Variants in AGBL4 observed in about 807,000 individuals in gnomAD.
AGBL4 encodes the protein cytosolic carboxypeptidase 6.
In AGBL4, 58 loss-of-function variants were observed where a neutral mutation model predicts 66.4. The observed-to-expected ratio is 0.87, with a 90% CI of 0.71 to 1.09. AGBL4 has a LOEUF of 1.09. Ranked by LOEUF, AGBL4 falls within the 50% of genes least tolerant of loss-of-function variation. The pLI, the probability that AGBL4 is intolerant of heterozygous loss-of-function variation, is 0.00. For synonymous variants in AGBL4, 234 were observed against 222.9 expected (o/e 1.05, Z -0.44); for missense variants, 579 against 631.0 (o/e 0.92, Z 0.88).
intron 6 of AGBL4, among the ~76,000 whole-genome samples, chr1:48,711,986 A>C (rs1159914297): frequency 6.6e-6 from 1 of 151,296 alleles, no homozygotes; most frequent in African/African-American, 2.4e-5. Context: ...TTGTTCTCCA[A>C]CCTCCTTTTC....
At chr1:48,527,593 CA>C in the AGBL4 span, among the ~76,000 whole-genome samples, 6,330 of 121,362 alleles carry the variant, frequency 0.052, 372 homozygotes, top group East Asian at 0.23. Flanking sequence ...GACTCCATCT[CA>C]AAAAAAAAAA....
intron 11 of AGBL4, among the ~76,000 whole-genome samples, chr1:48,568,291 TTCTCTCTCTC>T (rs151060894): frequency 6.7e-6 from 1 of 148,332 alleles, no homozygotes; most frequent in South Asian, 2.1e-4. Flanking sequence ...AACAACACTC[TTCTCTCTCTC>T]TCTCTCTCTC....
chr1:48,967,864 T>C (rs1571121844), intron 5 of AGBL4, among the ~76,000 whole-genome samples: 1 of 152,182 alleles, frequency 6.6e-6, no homozygotes, highest in South Asian at 2.1e-4. Context: ...GAATCTCAGA[T>C]GTGAAGAAAC....
intron 7 of AGBL4, among the ~76,000 whole-genome samples, chr1:48,657,122 T>C (rs1646033311): frequency 1.3e-5 from 2 of 152,188 alleles, no homozygotes; most frequent in African/African-American, 4.8e-5. Flanking sequence ...CAATCTGGGT[T>C]TGATGCCTCT....
chr1:49,300,149 C>G (rs946664572), intron 3 of AGBL4, among the ~76,000 whole-genome samples: 5 of 152,134 alleles, frequency 3.3e-5, no homozygotes, highest in Non-Finnish European at 7.4e-5. Context: ...TACCAACCAT[C>G]CTTTGGCAAT....
chr1:49,006,612 G>C (rs1661847016), intron 5 of AGBL4, among the ~76,000 whole-genome samples: 1 of 151,972 alleles, frequency 6.6e-6, no homozygotes, highest in Admixed American at 6.6e-5. Context: ...AACCTCTGCA[G>C]ACTTAAATGT....
chr1:48,643,109 G>T (rs144365580), intron 8 of AGBL4, among the ~76,000 whole-genome samples: 1 of 152,202 alleles, frequency 6.6e-6, no homozygotes, highest in Admixed American at 6.5e-5. Context: ...TGCTACACAT[G>T]TTAGCTGTTC....
At chr1:48,742,619 C>G in intron 6 of AGBL4, 1 of 1,548,548 alleles carries the variant, frequency 6.5e-7, no homozygotes, top group Non-Finnish European at 8.8e-7. Flanking sequence ...GCTTAAAACA[C>G]TACCTTGCCA....
At chr1:49,770,999 C>A (rs1195905622) in intron 2 of AGBL4, among the ~76,000 whole-genome samples, 1 of 151,916 alleles carries the variant, frequency 6.6e-6, no homozygotes, top group Non-Finnish European at 1.5e-5. Flanking sequence ...TAGTCTCTTT[C>A]ATTTATTTCT....
At chr1:49,946,857 G>C (rs1227383226) in intron 1 of AGBL4, among the ~76,000 whole-genome samples, 1 of 151,756 alleles carries the variant, frequency 6.6e-6, no homozygotes, top group Non-Finnish European at 1.5e-5. Flanking sequence ...AGCTCAATTA[G>C]AAACAAAACA....
chr1:49,337,629 G>A (rs1320925825), intron 3 of AGBL4, among the ~76,000 whole-genome samples: 3 of 152,076 alleles, frequency 2.0e-5, no homozygotes, highest in East Asian at 1.9e-4. Context: ...GGTGGCCTGC[G>A]GCTCTTCAAA....
intron 1 of AGBL4, among the ~76,000 whole-genome samples, chr1:49,912,053 G>T (rs959054125): frequency 6.6e-6 from 1 of 152,162 alleles, no homozygotes. Context: ...CTGTGGTTGA[G>T]GAACTATTCC....
intron 5 of AGBL4, among the ~76,000 whole-genome samples, chr1:48,891,644 C>G (rs1650984807): frequency 6.6e-6 from 1 of 152,172 alleles, no homozygotes; most frequent in Non-Finnish European, 1.5e-5. Flanking sequence ...GATAAGAGTT[C>G]AGGCACATAG....
intron 3 of AGBL4, among the ~76,000 whole-genome samples, chr1:49,442,638 C>A (rs2148670447): frequency 6.6e-6 from 1 of 152,306 alleles, no homozygotes; most frequent in South Asian, 2.1e-4. Context: ...ACCAGAATTT[C>A]TTTATCAATT....
At chr1:49,035,967 T>C (rs1410416552) in intron 5 of AGBL4, among the ~76,000 whole-genome samples, 3 of 151,902 alleles carry the variant, frequency 2.0e-5, no homozygotes, top group Non-Finnish European at 2.9e-5. Context: ...GACTAGTAGA[T>C]GGGAGGAGGG....
chr1:48,938,417 T>C (rs553931370), intron 5 of AGBL4, among the ~76,000 whole-genome samples: 2 of 152,298 alleles, frequency 1.3e-5, no homozygotes, highest in African/African-American at 2.4e-5. Context: ...TAATAAGTAC[T>C]ATAAAGGGGG....
chr1:49,254,820 T>C (rs1383613426), intron 3 of AGBL4, among the ~76,000 whole-genome samples: 2 of 152,060 alleles, frequency 1.3e-5, no homozygotes, highest in Non-Finnish European at 2.9e-5. Flanking sequence ...AACAGAAACA[T>C]AGACCAATGG....
intron 2 of AGBL4, among the ~76,000 whole-genome samples, chr1:49,781,033 G>T (rs150552715): frequency 6.6e-6 from 1 of 152,018 alleles, no homozygotes; most frequent in African/African-American, 2.4e-5. Flanking sequence ...GTGGAAAAAG[G>T]TATACCACAC....
At position 49,513,651 on chromosome 1, in the gene AGBL4, C is replaced by G. The variant is rs527507428; in HGVS notation, c.282+183662G>C. On this transcript the variant is annotated intron_variant, in intron 3 of 13. Coordinates refer to ENST00000371839, the MANE Select transcript of AGBL4 (RefSeq NM_032785.4). ...CCTATGTTTATAGAAAGACCTGTCC[C>G]AGAAACATTCCTTTCATTACAGATA... Among the ~76,000 whole-genome samples, 4 of 152,100 alleles carry G rather than the reference C, an allele frequency of 2.6e-5. No homozygotes were observed. In the South Asian group the frequency reaches 8.3e-4, roughly 32 times the overall value.
Sources: gnomAD v4.1 joint callset for allele counts (sites outside exome capture counted in the v4.1 genomes callset) on GRCh38, gnomAD v4.1.1 for gene constraint, MANE v1.5 for transcripts, NCBI Gene and HGNC (gene_info 2026-07-23, HGNC 2026-07-21) for gene names.